Variants in DZIP1 observed in about 807,000 individuals in gnomAD.
DZIP1 encodes DAZ interacting zinc finger protein 1, also known as cilium assembly protein DZIP1.
A neutral mutation model predicts 107.6 loss-of-function variants in DZIP1; 97 were observed. The observed-to-expected ratio is 0.90, with a 90% CI of 0.77 to 1.07. The LOEUF is 1.07. DZIP1 is among the 50% of genes least tolerant of loss of function. The pLI is 0.00. For missense variants in DZIP1, 1,035 were observed against 1,063.6 expected, an observed-to-expected ratio of 0.97 and a Z score of 0.37; for synonymous variants, 390 against 386.4, an observed-to-expected ratio of 1.01 and a Z score of -0.11.
intron 20 of DZIP1, among the ~76,000 whole-genome samples, chr13:95,587,014 T>C (rs1306676821): frequency 6.6e-6 from 1 of 152,224 alleles, no homozygotes; most frequent in East Asian, 1.9e-4. Context: ...TTGCTTAGAA[T>C]GTGACCTTAT....
chr13:95,580,904 T>C lies in DZIP1; in HGVS notation c.*1330A>G, dbSNP rs553237454. 6.6e-6 allele frequency: 1 copy of C among 152,244 alleles called. No homozygotes were observed. The highest frequency in any genetic ancestry group is 2.1e-4 in the South Asian group (1 of 4,816). The allele number at this position is 152,244 out of a possible 1,614,324, so 9.4% of individuals were successfully genotyped here. On this transcript the variant is annotated 3_prime_UTR_variant, in exon 23 of 23. Coordinates refer to ENST00000376829, the MANE Select transcript of DZIP1 (RefSeq NM_198968.4). Reference sequence around the variant, plus strand: ...GTATATCTGCATGAAATGGCCCCTATAGGAAGTTGGAAGGATTCTTTTAGA... The same window carrying C: ...GTATATCTGCATGAAATGGCCCCTACAGGAAGTTGGAAGGATTCTTTTAGA...
intron 15 of DZIP1, among the ~76,000 whole-genome samples, chr13:95,596,803 C>T (rs2044469062): frequency 6.6e-6 from 1 of 152,230 alleles, no homozygotes; most frequent in African/African-American, 2.4e-5. Flanking sequence ...GTAAAAGCCA[C>T]AGTGTTTTTG....
At chr13:95,635,014 A>G (rs78917471) in intron 5 of DZIP1, among the ~76,000 whole-genome samples, 10,195 of 151,290 alleles carry the variant, frequency 0.067, 449 homozygotes, top group East Asian at 0.18. Flanking sequence ...TTTCCTTGCT[A>G]TCCTTTTGCT....
intron 10 of DZIP1, among the ~76,000 whole-genome samples, chr13:95,617,188 T>G (rs1875208301): frequency 6.7e-6 from 1 of 148,748 alleles, no homozygotes; most frequent in African/African-American, 2.5e-5. Context: ...TGCAACAGAG[T>G]GAGACTCTGT....
intron 14 of DZIP1, among the ~76,000 whole-genome samples, chr13:95,603,830 G>A (rs149676415): frequency 1.2e-3 from 180 of 152,280 alleles, no homozygotes; most frequent in Middle Eastern, 0.01. Context: ...GTGTAGCAGA[G>A]TTGAAAGCAG....
At chr13:95,603,876 C>G (rs1860771082) in intron 14 of DZIP1, among the ~76,000 whole-genome samples, 1 of 152,190 alleles carries the variant, frequency 6.6e-6, no homozygotes, top group African/African-American at 2.4e-5. Context: ...CTAGATCCTC[C>G]CAGGACAAAC....
chr13:95,590,049 G>C, intron 17 of DZIP1, 117 bp from the exon 18 acceptor site: 4 of 1,351,502 alleles, frequency 3.0e-6, no homozygotes, highest in Non-Finnish European at 4.0e-6. Context: ...CCCATCTCTA[G>C]GGTTTAAAGC....
intron 7 of DZIP1, among the ~76,000 whole-genome samples, chr13:95,627,297 G>T (rs968208281): frequency 6.6e-6 from 1 of 152,156 alleles, no homozygotes; most frequent in Non-Finnish European, 1.5e-5. Flanking sequence ...TGGGACAACT[G>T]GATAAACCAC....
intron 13 of DZIP1, among the ~76,000 whole-genome samples, chr13:95,607,555 C>T (rs910177317): frequency 1.3e-5 from 2 of 152,196 alleles, no homozygotes; most frequent in Non-Finnish European, 2.9e-5. Flanking sequence ...TACAGCCAAG[C>T]TCCTTCACTT....
At position 95,581,583 on chromosome 13, in the gene DZIP1, A is replaced by C. The variant is rs191531645; in HGVS notation, c.*651T>G. 1 of 152,290 alleles carries C rather than the reference A, an allele frequency of 6.6e-6. No homozygotes were observed. The highest frequency in any genetic ancestry group is 6.5e-5 in the Admixed American group (1 of 15,296). 9.4% of individuals were successfully genotyped at this position (152,290 alleles called of 1,614,324 possible). A position where few individuals can be genotyped will look rare whatever the true frequency, so the allele number is the denominator to read the frequency against. ...TGGACCTAGCTATATTCTAATCCTA[A>C]ACTTACTTTTTTGGGGTGTGGAGGG... On this transcript the variant is annotated 3_prime_UTR_variant, in exon 23 of 23. Transcript: ENST00000376829.
intron 20 of DZIP1, among the ~76,000 whole-genome samples, chr13:95,586,532 T>A (rs2044164900): frequency 6.6e-6 from 1 of 152,064 alleles, no homozygotes; most frequent in Admixed American, 6.6e-5. Flanking sequence ...AGAAAGAGGA[T>A]CTCATTCAAG....
At chr13:95,593,528 T>G (rs2044366694) in intron 16 of DZIP1, among the ~76,000 whole-genome samples, 3 of 152,256 alleles carry the variant, frequency 2.0e-5, no homozygotes, top group South Asian at 4.1e-4. Flanking sequence ...ATTCATCCAT[T>G]CATTCAACAT....
At chr13:95,600,246 G>A (rs1355406388) in intron 14 of DZIP1, among the ~76,000 whole-genome samples, 1 of 152,136 alleles carries the variant, frequency 6.6e-6, no homozygotes, top group East Asian at 1.9e-4. Context: ...TTAGATATGG[G>A]ATGAAATGCA....
intron 3 of DZIP1, among the ~76,000 whole-genome samples, chr13:95,642,583 A>T (rs572319017): frequency 6.6e-6 from 1 of 152,228 alleles, no homozygotes; most frequent in Non-Finnish European, 1.5e-5. Context: ...TAAAATATAT[A>T]TAATTAAATG....
chr13:95,605,162 T>C (rs2044735566), intron 14 of DZIP1, among the ~76,000 whole-genome samples: 1 of 152,222 alleles, frequency 6.6e-6, no homozygotes, highest in Admixed American at 6.5e-5. Flanking sequence ...TCACAATATC[T>C]ATGAAGACAA....
chr13:95,611,656 C>T (rs1044539841), intron 11 of DZIP1, among the ~76,000 whole-genome samples, 163 bp from the exon 12 acceptor site: 27 of 152,028 alleles, frequency 1.8e-4, no homozygotes, highest in Non-Finnish European at 3.5e-4. Context: ...AAGTTATTAC[C>T]CAAACCTCAC....
At chr13:95,593,627 C>A (rs1482367455) in intron 16 of DZIP1, among the ~76,000 whole-genome samples, 1 of 152,110 alleles carries the variant, frequency 6.6e-6, no homozygotes, top group Non-Finnish European at 1.5e-5. Flanking sequence ...AGATACAAAC[C>A]CTGGCTCCTT....
At chr13:95,597,269 A>G (rs1042225192) in intron 15 of DZIP1, among the ~76,000 whole-genome samples, 3 of 147,828 alleles carry the variant, frequency 2.0e-5, no homozygotes, top group African/African-American at 5.0e-5. Context: ...CGTTTTTCAA[A>G]TGAGTGTGAA....
At chr13:95,640,584 T>C (rs968547890) in intron 5 of DZIP1, among the ~76,000 whole-genome samples, 1 of 152,172 alleles carries the variant, frequency 6.6e-6, no homozygotes, top group Non-Finnish European at 1.5e-5. Context: ...AAAAATACAT[T>C]GGTTTATGTT....
Sources: gnomAD v4.1 joint callset for allele counts (sites outside exome capture counted in the v4.1 genomes callset) on GRCh38, gnomAD v4.1.1 for gene constraint, MANE v1.5 for transcripts, NCBI Gene and HGNC (gene_info 2026-07-23, HGNC 2026-07-21) for gene names.